The following TANC1 variants were observed in gnomAD, a reference collection of about 807,000 sequenced individuals.
The protein encoded by TANC1 is tetratricopeptide repeat, ankyrin repeat and coiled-coil containing 1, also known as protein TANC1.
Under a neutral mutation model 149.7 loss-of-function variants are expected in TANC1, and 77 were observed. The observed-to-expected ratio is 0.51, with a 90% confidence interval of 0.43 to 0.62. TANC1 has a LOEUF of 0.62. Among genes scored for constraint, TANC1 ranks in the 20% least tolerant of loss-of-function variants. The pLI, the probability that TANC1 is intolerant of heterozygous loss-of-function variation, is 0.00. For synonymous variants in TANC1, 854 were observed against 925.0 expected (o/e 0.92, Z 1.39); for missense variants, 1,985 against 2,321.8 (o/e 0.85, Z 2.98).
intron 2 of TANC1, among the ~76,000 whole-genome samples, chr2:159,023,329 G>T (rs1396680729): frequency 1.3e-5 from 2 of 151,918 alleles, no homozygotes; most frequent in Non-Finnish European, 2.9e-5. Flanking sequence ...TACCAAATGG[G>T]TAACCCATGG....
intron 3 of TANC1, among the ~76,000 whole-genome samples, chr2:159,082,610 A>G (rs1215088170): frequency 6.6e-6 from 1 of 152,096 alleles, no homozygotes; most frequent in African/African-American, 2.4e-5. Flanking sequence ...GATGGGGGAA[A>G]AAGCCATGGT....
chr2:158,979,581 C>G (rs989041716), intron 1 of TANC1, among the ~76,000 whole-genome samples: 1 of 152,018 alleles, frequency 6.6e-6, no homozygotes, highest in African/African-American at 2.4e-5. Context: ...CCTGGAAACC[C>G]TAAGTACCAA....
intron 1 of TANC1, among the ~76,000 whole-genome samples, chr2:158,974,759 G>T (rs929431979): frequency 6.6e-6 from 1 of 151,756 alleles, no homozygotes. Context: ...TTGAGAAAGG[G>T]TTTCCATTTG....
At chr2:159,119,432 G>C (rs2048623899) in intron 4 of TANC1, among the ~76,000 whole-genome samples, 1 of 151,756 alleles carries the variant, frequency 6.6e-6, no homozygotes, top group South Asian at 2.1e-4. Flanking sequence ...AGTTTCAGTT[G>C]GTTTTAAAAA....
chr2:159,143,584 A>G (rs1251981861), intron 5 of TANC1, among the ~76,000 whole-genome samples: 1 of 126,388 alleles, frequency 7.9e-6, no homozygotes, highest in African/African-American at 2.9e-5. Context: ...AAAAAAAAAA[A>G]TGGAAATTGC....
In TANC1 at chr2:159,178,696, T is replaced by A. The variant is rs6748288; in HGVS notation, c.2043T>A (p.Asn681Lys). Residue 681 changes from asparagine (N) to lysine (K), a missense_variant, in exon 14 of 27, where the codon AAT (asparagine) becomes AAA (lysine). Asn to Lys is a moderately conservative substitution (Grantham distance 94). Transcript: ENST00000263635. ...SQDILSNISL[N>K]GKADATLIGK... is the part of the protein sequence containing the mutation. Reference sequence around the variant, plus strand: ...ACATCCTCAGCAACATCTCCCTGAATGGCAAGGCCGATGCCACACTCATTG... The same window carrying A: ...ACATCCTCAGCAACATCTCCCTGAAAGGCAAGGCCGATGCCACACTCATTG... The A allele has an allele frequency of 3.7e-6, 6 of 1,614,140 alleles. 1 individual carries two copies. The Admixed American group carries it at 1.0e-4, about 27-fold the overall frequency.
intron 19 of TANC1, 26 bp from the exon 20 acceptor site, chr2:159,217,471 T>G (rs2059420532): frequency 6.2e-7 from 1 of 1,613,866 alleles, no homozygotes; most frequent in Admixed American, 1.7e-5. Flanking sequence ...TGCTAACAGA[T>G]TCCCCTCCAT....
intron 1 of TANC1, among the ~76,000 whole-genome samples, chr2:158,972,662 T>C (rs777141013): frequency 3.3e-5 from 5 of 152,200 alleles, no homozygotes; most frequent in Non-Finnish European, 7.3e-5. Flanking sequence ...TTTAAACTTA[T>C]TCTCAGAGGA....
At chr2:159,013,709 G>T (rs1459008373) in intron 2 of TANC1, among the ~76,000 whole-genome samples, 1 of 152,162 alleles carries the variant, frequency 6.6e-6, no homozygotes, top group Non-Finnish European at 1.5e-5. Flanking sequence ...AGAGGCACCC[G>T]AGGACTGGGT....
At chr2:159,098,434 G>A (rs541359485) in intron 4 of TANC1, among the ~76,000 whole-genome samples, 1 of 152,306 alleles carries the variant, frequency 6.6e-6, no homozygotes, top group East Asian at 1.9e-4. Context: ...AATGACGCCT[G>A]TCTCAGAATG....
intron 26 of TANC1, 91 bp from the exon 27 acceptor site, chr2:159,229,487 C>T (rs2060220456): frequency 4.4e-6 from 5 of 1,140,926 alleles, no homozygotes; most frequent in Non-Finnish European, 6.2e-6. Flanking sequence ...GCTACCTTCT[C>T]TTTCCTTTGA....
At chr2:159,036,709 A>G (rs1292490951) in intron 2 of TANC1, among the ~76,000 whole-genome samples, 2 of 152,314 alleles carry the variant, frequency 1.3e-5, no homozygotes, top group Admixed American at 6.5e-5. Flanking sequence ...TTATGGCTGC[A>G]TAGTATTCCA....
At position 159,013,612 on chromosome 2, in the gene TANC1, G is replaced by A. The variant is rs1420635857; in HGVS notation, c.-16+12423G>A. 2.0e-5 allele frequency among the ~76,000 whole-genome samples: 3 copies of A among 152,290 alleles called. No individual in the cohort carries two copies. The East Asian group carries it at 5.8e-4, about 29-fold the overall frequency. ...TTTAGATTTCTCCCGTAACCCCAAT[G>A]TGCCTGACACAGTACCGACGGTCTA... On this transcript the variant is annotated intron_variant, in intron 2 of 26. Coordinates refer to ENST00000263635, the MANE Select transcript of TANC1 (RefSeq NM_033394.3).
intron 7 of TANC1, among the ~76,000 whole-genome samples, chr2:159,157,256 C>G (rs1455292334): frequency 6.6e-6 from 1 of 152,154 alleles, no homozygotes; most frequent in South Asian, 2.1e-4. Flanking sequence ...TTCACTAGAC[C>G]CCTCAGGTTA....
At chr2:159,035,693 G>C (rs2040131918) in intron 2 of TANC1, among the ~76,000 whole-genome samples, 2 of 152,120 alleles carry the variant, frequency 1.3e-5, no homozygotes, top group South Asian at 2.1e-4. Flanking sequence ...TCTAAACTCT[G>C]TGATCTCATC....
chr2:159,160,829 A>G (rs2053975661), intron 7 of TANC1, among the ~76,000 whole-genome samples: 1 of 152,090 alleles, frequency 6.6e-6, no homozygotes, highest in African/African-American at 2.4e-5. Context: ...TCCTTCATAT[A>G]AACACTGACC....
At chr2:159,136,072 G>A in intron 4 of TANC1, 122 bp from the exon 5 acceptor site, 1 of 663,520 alleles carries the variant, frequency 1.5e-6, no homozygotes, top group African/African-American at 1.8e-5. Context: ...GTTTAAGGGA[G>A]GGGAAGGCAC....
chr2:158,988,525 C>T (rs1362717725), intron 1 of TANC1, among the ~76,000 whole-genome samples: 1 of 151,982 alleles, frequency 6.6e-6, no homozygotes, highest in African/African-American at 2.4e-5. Context: ...TTTTCCCCTC[C>T]ACCTTTGCTA....
chr2:158,984,805 C>T (rs923674447), intron 1 of TANC1, among the ~76,000 whole-genome samples: 1 of 152,062 alleles, frequency 6.6e-6, no homozygotes, highest in Non-Finnish European at 1.5e-5. Context: ...GCGTAAGAAG[C>T]AGAGGCTGGG....
Sources: allele counts gnomAD v4.1 joint callset (sites outside exome capture counted in the v4.1 genomes callset), GRCh38; gene constraint gnomAD v4.1.1; transcripts MANE v1.5; gene names NCBI Gene and HGNC (gene_info 2026-07-23, HGNC 2026-07-21).